HDAC5: variants seen among roughly 807,000 people sequenced by gnomAD.
HDAC5 encodes histone deacetylase 5, also known as antigen NY-CO-9.
HDAC5 carries 25 observed loss-of-function variants against 133.3 expected under a neutral mutation model. That is an observed-to-expected ratio of 0.19 (90% confidence interval 0.14 to 0.26). The LOEUF is 0.26. Among genes scored for constraint, HDAC5 ranks in the 10% least tolerant of loss-of-function variants. HDAC5 has a pLI of 1.00. For synonymous variants in HDAC5, 589 were observed against 610.8 expected (o/e 0.96, Z 0.53); for missense variants, 1,041 against 1,460.5 (o/e 0.71, Z 4.68).
chr17:44,101,881 G>C (rs945416654), intron 3 of HDAC5, among the ~76,000 whole-genome samples: 3 of 152,048 alleles, frequency 2.0e-5, no homozygotes, highest in Non-Finnish European at 4.4e-5. Flanking sequence ...GAGGAGATGA[G>C]GTAGGGGGAG....
chr17:44,084,904 G>T, intron 15 of HDAC5, 118 bp downstream of exon 15: 1 of 1,371,516 alleles, frequency 7.3e-7, no homozygotes, highest in Non-Finnish European at 1.0e-6. Flanking sequence ...TGGGAGAACT[G>T]GCCCCGAAGT....
intron 3 of HDAC5, among the ~76,000 whole-genome samples, chr17:44,108,681 CG>C (rs1160441986): frequency 7.2e-6 from 1 of 139,364 alleles, no homozygotes; most frequent in Non-Finnish European, 1.5e-5. Flanking sequence ...CGTGTTTATC[CG>C]GGGTGGATTT....
chr17:44,087,234 A>T (rs2050707489), intron 13 of HDAC5, among the ~76,000 whole-genome samples, 178 bp downstream of exon 13: 1 of 151,724 alleles, frequency 6.6e-6, no homozygotes, highest in South Asian at 2.1e-4. Context: ...ATCAACACAA[A>T]CAGCTCCCCC....
intron 3 of HDAC5, among the ~76,000 whole-genome samples, chr17:44,102,505 C>A (rs1450571375): frequency 1.3e-5 from 2 of 152,074 alleles, no homozygotes; most frequent in African/African-American, 4.8e-5. Flanking sequence ...GGACTGCAGG[C>A]ATGTGCCACC....
chr17:44,108,324 C>T (rs1217635795), intron 3 of HDAC5, among the ~76,000 whole-genome samples: 1 of 152,176 alleles, frequency 6.6e-6, no homozygotes, highest in African/African-American at 2.4e-5. Context: ...ATCCTGCCAG[C>T]AATTCTGGAC....
At chr17:44,080,933 T>C in intron 20 of HDAC5, 51 bp from the exon 21 acceptor site, 4 of 1,612,560 alleles carry the variant, frequency 2.5e-6, no homozygotes, top group Non-Finnish European at 3.4e-6. Flanking sequence ...TCTGACCCAA[T>C]GGTCAAATTC....
At chr17:44,086,182 C>T (rs1362136025) in intron 14 of HDAC5, among the ~76,000 whole-genome samples, 2 of 152,210 alleles carry the variant, frequency 1.3e-5, no homozygotes, top group South Asian at 2.1e-4. Context: ...CCCTCAGGCA[C>T]GTCTGTGTCC....
intron 23 of HDAC5, 110 bp from the exon 24 acceptor site, chr17:44,079,387 A>G (rs2050271398): frequency 3.6e-6 from 4 of 1,116,034 alleles, no homozygotes. Context: ...CACGCCTGTA[A>G]TCCCAGCACT....
In HDAC5 at chr17:44,092,813, T is replaced by TGGGGGGGGGGGGCCCCGGGGGGG; in HGVS notation, c.642-8_642-7insCCCCCCCGGGGCCCCCCCCCCCC. On this transcript the variant is annotated splice_region_variant and splice_polypyrimidine_tract_variant and intron_variant, in intron 6 of 26. Transcript: ENST00000682912. The stretch of plus-strand genomic sequence containing the variant: ...AGAAGCATGGTGGGCTCCCCTGGGG[T>TGGGGGGGGGGGGCCCCGGGGGGG]GGGGGGGGGGTGGGGATGGAAGCAG... 1 of 403,444 alleles carries TGGGGGGGGGGGGCCCCGGGGGGG rather than the reference T, an allele frequency of 2.5e-6. No homozygotes were observed. The highest frequency in any genetic ancestry group is 4.3e-6 in the Non-Finnish European group (1 of 232,472). 25.0% of individuals were successfully genotyped at this position (403,444 alleles called of 1,614,324 possible). A position where few individuals can be genotyped will look rare whatever the true frequency, so the allele number is the denominator to read the frequency against.
intron 3 of HDAC5, among the ~76,000 whole-genome samples, chr17:44,100,782 T>C (rs939998746): frequency 2.7e-5 from 4 of 150,230 alleles, no homozygotes; most frequent in African/African-American, 9.8e-5. Context: ...CATACATACA[T>C]ACGTAATTTT....
chr17:44,091,154 A>C, intron 11 of HDAC5, 116 bp downstream of exon 11: 1 of 819,984 alleles, frequency 1.2e-6, no homozygotes, highest in Non-Finnish European at 2.0e-6. Flanking sequence ...AGAATGTGGA[A>C]GAAATCACTG....
intron 23 of HDAC5, among the ~76,000 whole-genome samples, chr17:44,079,505 T>TG (rs2050278438): frequency 6.6e-6 from 1 of 151,330 alleles, no homozygotes; most frequent in Non-Finnish European, 1.5e-5. Context: ...CCGGCCATGG[T>TG]GGCACGCGCC....
intron 24 of HDAC5, 84 bp downstream of exon 24, chr17:44,079,060 T>C (rs77627666): frequency 0.012 from 18,854 of 1,559,924 alleles, 861 homozygotes; most frequent in East Asian, 0.11. Context: ...AAAAGCTTCC[T>C]AAGGGGCTCC....
At chr17:44,102,914 C>T (rs952068515) in intron 3 of HDAC5, among the ~76,000 whole-genome samples, 4 of 151,096 alleles carry the variant, frequency 2.6e-5, no homozygotes, top group African/African-American at 4.9e-5. Context: ...CTGATCCACC[C>T]GCCTCGCCTC....
chr17:44,089,178 G>A (rs1286548186), intron 11 of HDAC5, among the ~76,000 whole-genome samples: 1 of 152,332 alleles, frequency 6.6e-6, no homozygotes, highest in South Asian at 2.1e-4. Context: ...GTATACACTA[G>A]ATTTCAAAGA....
Position 44,117,602 on chromosome 17 carries a change from AACAGACAG to A in HDAC5, c.-95_-88del, listed in dbSNP as rs1357470689. On this transcript the variant is annotated 5_prime_UTR_variant, in exon 2 of 27. An upstream open reading frame in the 5' UTR loses its in-frame stop. Transcript: ENST00000682912. The surrounding 1 kb of genome is among the most constrained non-coding windows in gnomAD (Gnocchi z 4.2). ...GGTGATGTCAAGAGAGACAGACGATAACAGACAGACGGACGGGACGGGAGCCCGGGGCC... is the reference window on the plus strand; with the variant it reads ...GGTGATGTCAAGAGAGACAGACGATAACGGACGGGACGGGAGCCCGGGGCC... 2 of 1,501,460 alleles carry A rather than the reference AACAGACAG, an allele frequency of 1.3e-6. No homozygotes were observed. The highest frequency in any genetic ancestry group is 1.8e-6 in the Non-Finnish European group (2 of 1,086,356). 93.0% of individuals were successfully genotyped at this position (1,501,460 alleles called of 1,614,324 possible). A position where few individuals can be genotyped will look rare whatever the true frequency, so the allele number is the denominator to read the frequency against.
chr17:44,106,608 G>C (rs1380443925), intron 3 of HDAC5, among the ~76,000 whole-genome samples: 1 of 131,792 alleles, frequency 7.6e-6, no homozygotes, highest in Admixed American at 7.6e-5. Flanking sequence ...TTTTTTTTTT[G>C]AGGCAAAGTC....
intron 24 of HDAC5, 130 bp downstream of exon 24, chr17:44,079,014 G>C (rs1437960327): frequency 3.3e-6 from 5 of 1,506,960 alleles, no homozygotes; most frequent in Non-Finnish European, 4.5e-6. Context: ...CGCATACTCA[G>C]AAAGCCTGGC....
chr17:44,106,651 C>T (rs1333568693), intron 3 of HDAC5, among the ~76,000 whole-genome samples: 4 of 150,314 alleles, frequency 2.7e-5, no homozygotes, highest in East Asian at 3.9e-4. Flanking sequence ...AGTGCAATGG[C>T]GCAATCTCGA....
Sources: gnomAD v4.1 joint callset for allele counts (sites outside exome capture counted in the v4.1 genomes callset) on GRCh38, gnomAD v4.1.1 for gene constraint, Gnocchi (gnomAD v3.1) non-coding constraint, MANE v1.5 for transcripts, NCBI Gene and HGNC (gene_info 2026-07-23, HGNC 2026-07-21) for gene names.